DACH1: variants seen among roughly 807,000 people sequenced by gnomAD.
DACH1 encodes the protein dachshund homolog 1.
A neutral mutation model predicts 54.2 loss-of-function variants in DACH1; 12 were observed. The observed-to-expected ratio is 0.22, with a 90% CI of 0.14 to 0.36. The LOEUF is 0.36. Among genes scored for constraint, DACH1 ranks in the 10% least tolerant of loss-of-function variants. The pLI is 1.00. For missense variants in DACH1, 805 were observed against 929.8 expected, an observed-to-expected ratio of 0.87 and a Z score of 1.75; for synonymous variants, 386 against 366.2, an observed-to-expected ratio of 1.05 and a Z score of -0.62.
At chr13:71,857,831 G>A (rs1194112570) in intron 1 of DACH1, among the ~76,000 whole-genome samples, 1 of 151,686 alleles carries the variant, frequency 6.6e-6, no homozygotes, top group East Asian at 1.9e-4. Flanking sequence ...AAGTAATACT[G>A]TTGAATGCAT....
At chr13:71,696,956 C>A (rs1030037373) in intron 1 of DACH1, among the ~76,000 whole-genome samples, 1 of 152,168 alleles carries the variant, frequency 6.6e-6, no homozygotes, top group Admixed American at 6.5e-5. Flanking sequence ...TCTCCACTTG[C>A]TGTTGCTGCT....
intron 1 of DACH1, among the ~76,000 whole-genome samples, chr13:71,740,463 G>A (rs1884334001): frequency 6.6e-6 from 1 of 152,106 alleles, no homozygotes; most frequent in South Asian, 2.1e-4. Flanking sequence ...AGCAGATAAT[G>A]TTTTAAATTT....
At chr13:71,750,297 C>T (rs1342381053) in intron 1 of DACH1, among the ~76,000 whole-genome samples, 1 of 152,048 alleles carries the variant, frequency 6.6e-6, no homozygotes, top group Non-Finnish European at 1.5e-5. Context: ...GCAATAATTG[C>T]TTTTTTTGAA....
intron 7 of DACH1, among the ~76,000 whole-genome samples, chr13:71,480,275 G>A (rs180766793): frequency 6.6e-6 from 1 of 152,264 alleles, no homozygotes; most frequent in Admixed American, 6.5e-5. Context: ...AGCCATTCAA[G>A]ATGGTTGTAA....
At chr13:71,626,615 A>G (rs2138557760) in intron 3 of DACH1, among the ~76,000 whole-genome samples, 2 of 152,164 alleles carry the variant, frequency 1.3e-5, no homozygotes, top group South Asian at 4.1e-4. Context: ...TGTAGCTCAT[A>G]TCAGCCAACC....
intron 6 of DACH1, among the ~76,000 whole-genome samples, chr13:71,526,533 G>A (rs1196584157): frequency 6.6e-6 from 1 of 151,952 alleles, no homozygotes; most frequent in African/African-American, 2.4e-5. Flanking sequence ...AATAATAATA[G>A]TGCCTACTTC....
In DACH1 at chr13:71,572,226, C is replaced by T. The variant is rs1025557067; in HGVS notation, c.1299+614G>A. Among the ~76,000 whole-genome samples the T allele has an allele frequency of 9.2e-5, 14 of 152,134 alleles. No homozygotes were observed. In the South Asian group the frequency reaches 1.0e-3, roughly 11 times the overall value. Reference sequence around the variant, plus strand: ...ATAATATGAAAGTAAAACATATTTACATATATAACACATACGATGCACAAA... The same window carrying T: ...ATAATATGAAAGTAAAACATATTTATATATATAACACATACGATGCACAAA... On this transcript the variant is annotated intron_variant, in intron 4 of 10. Transcript: ENST00000613252.
At chr13:71,841,270 A>G (rs1227760247) in intron 1 of DACH1, among the ~76,000 whole-genome samples, 4 of 152,188 alleles carry the variant, frequency 2.6e-5, no homozygotes, top group Non-Finnish European at 5.9e-5. Flanking sequence ...AACTCAAAAG[A>G]GAACTTTAAA....
intron 1 of DACH1, among the ~76,000 whole-genome samples, chr13:71,856,120 G>A (rs779414586): frequency 6.6e-6 from 1 of 151,778 alleles, no homozygotes; most frequent in Non-Finnish European, 1.5e-5. Flanking sequence ...ACTAAATATG[G>A]TAGCCAAACA....
At chr13:71,517,732 G>A (rs1203649690) in intron 6 of DACH1, among the ~76,000 whole-genome samples, 2 of 151,800 alleles carry the variant, frequency 1.3e-5, no homozygotes, top group Admixed American at 1.3e-4. Flanking sequence ...ACAACCAGAA[G>A]TCCTGAAGCA....
At chr13:71,601,852 T>C (rs1281546812) in intron 3 of DACH1, among the ~76,000 whole-genome samples, 1 of 152,052 alleles carries the variant, frequency 6.6e-6, no homozygotes, top group Non-Finnish European at 1.5e-5. Flanking sequence ...CAGAATATGC[T>C]ATTTCAACAT....
chr13:71,703,917 G>A (rs79616124), intron 1 of DACH1, among the ~76,000 whole-genome samples: 7,011 of 152,178 alleles, frequency 0.046, 530 homozygotes, highest in African/African-American at 0.16. Context: ...ATCCAAGACC[G>A]TCTGTCCAAG....
chr13:71,764,783 T>C (rs1885552195), intron 1 of DACH1, among the ~76,000 whole-genome samples: 1 of 152,208 alleles, frequency 6.6e-6, no homozygotes, highest in Non-Finnish European at 1.5e-5. Context: ...TGATGACATA[T>C]CCATTAGGAG....
At chr13:71,602,516 G>T (rs895742570) in intron 3 of DACH1, among the ~76,000 whole-genome samples, 3 of 151,618 alleles carry the variant, frequency 2.0e-5, no homozygotes, top group Non-Finnish European at 4.4e-5. Context: ...ATGCTGCTTT[G>T]TCCGCCATGG....
intron 4 of DACH1, among the ~76,000 whole-genome samples, chr13:71,563,605 G>C (rs968647466): frequency 3.3e-5 from 5 of 151,666 alleles, no homozygotes; most frequent in Non-Finnish European, 5.9e-5. Flanking sequence ...TTCATGAATT[G>C]TTCAGTTACT....
intron 1 of DACH1, among the ~76,000 whole-genome samples, chr13:71,801,332 G>A (rs1313786450): frequency 1.3e-5 from 2 of 152,086 alleles, no homozygotes; most frequent in Non-Finnish European, 2.9e-5. Context: ...GATTTATGAG[G>A]AAATGCTTGT....
intron 10 of DACH1, among the ~76,000 whole-genome samples, chr13:71,446,527 G>C (rs898711089): frequency 3.3e-5 from 5 of 152,198 alleles, no homozygotes; most frequent in Non-Finnish European, 4.4e-5. Context: ...TTAAGGCATA[G>C]AGAGTTTAAG....
chr13:71,709,359 A>G lies in DACH1; in HGVS notation c.849-27449T>C, dbSNP rs551014642. 3.3e-5 allele frequency among the ~76,000 whole-genome samples: 5 copies of G among 152,248 alleles called. No individual in the cohort carries two copies. The South Asian group carries it at 6.2e-4, about 19-fold the overall frequency. ...ACCACAGTCCAAAAACATTAAATAG[A>G]AACTTCCAGAAATAAGCATGTCACA... On this transcript the variant is annotated intron_variant, in intron 1 of 10. Transcript: ENST00000613252.
intron 6 of DACH1, among the ~76,000 whole-genome samples, chr13:71,519,101 T>C (rs1881377957): frequency 6.6e-6 from 1 of 151,782 alleles, no homozygotes; most frequent in African/African-American, 2.4e-5. Context: ...ATATTTACTA[T>C]CTCTCCCTTT....
Sources: allele counts gnomAD v4.1 joint callset (sites outside exome capture counted in the v4.1 genomes callset), GRCh38; gene constraint gnomAD v4.1.1; transcripts MANE v1.5; gene names NCBI Gene and HGNC (gene_info 2026-07-23, HGNC 2026-07-21).